Variants in CLNK observed in about 807,000 individuals in gnomAD.
CLNK encodes cytokine-dependent hematopoietic cell linker.
Under a neutral mutation model 68.6 loss-of-function variants are expected in CLNK, and 74 were observed. The ratio of observed to expected loss-of-function variants is 1.08; its 90% confidence interval spans 0.89 to 1.31. The LOEUF is 1.31. Ranked by LOEUF, CLNK falls within the 50% of genes most tolerant of loss-of-function variation. The pLI is 0.00. For synonymous variants in CLNK, 198 were observed against 172.2 expected (o/e 1.15, Z -1.17); for missense variants, 553 against 515.3 (o/e 1.07, Z -0.71).
rs143323924 is a variant in CLNK, at chr4:10,487,289, G to A, written c.*3178C>T. ...GCATATGGAGACCTTGGTTCCAGTC[G>A]CGACTATGTCACTGTGAGATTTTGG... On this transcript the variant is annotated 3_prime_UTR_variant, in exon 19 of 19. Transcript: ENST00000226951. 7 of 152,308 alleles carry A rather than the reference G, an allele frequency of 4.6e-5. No individual in the cohort carries two copies. Among genetic ancestry groups the A allele is most frequent in the East Asian group, 1.9e-4 (1 of 5,190 alleles). 9.4% of individuals were successfully genotyped at this position (152,308 alleles called of 1,614,324 possible). A position where few individuals can be genotyped will look rare whatever the true frequency, so the allele number is the denominator to read the frequency against.
intron 14 of CLNK, among the ~76,000 whole-genome samples, chr4:10,522,110 T>C (rs1718094341): frequency 6.6e-6 from 1 of 151,672 alleles, no homozygotes; most frequent in East Asian, 1.9e-4. Context: ...TATAAAAAAT[T>C]AGCCGGGCAT....
At chr4:10,695,486 C>T in the CLNK span, among the ~76,000 whole-genome samples, 1 of 152,220 alleles carries the variant, frequency 6.6e-6, no homozygotes, top group Non-Finnish European at 1.5e-5. Flanking sequence ...TGGCCAACTC[C>T]AAGCCCTTCC....
At chr4:10,661,999 C>G (rs1406120871) in intron 2 of CLNK, among the ~76,000 whole-genome samples, 1 of 152,140 alleles carries the variant, frequency 6.6e-6, no homozygotes, top group Non-Finnish European at 1.5e-5. Context: ...CATCAAAACT[C>G]TTTCCAAAAC....
At chr4:10,521,855 A>G (rs1329095881) in intron 14 of CLNK, among the ~76,000 whole-genome samples, 1 of 152,234 alleles carries the variant, frequency 6.6e-6, no homozygotes, top group African/African-American at 2.4e-5. Flanking sequence ...CGCTAATAGT[A>G]TAGGATTTTT....
chr4:10,507,082 G>A (rs1222335903), intron 17 of CLNK, among the ~76,000 whole-genome samples: 1 of 151,188 alleles, frequency 6.6e-6, no homozygotes, highest in Non-Finnish European at 1.5e-5. Context: ...TGGGATTACA[G>A]GCATGAGCCA....
the CLNK span, among the ~76,000 whole-genome samples, chr4:10,709,690 G>C: frequency 5.2e-4 from 79 of 152,170 alleles, no homozygotes; most frequent in Non-Finnish European, 9.8e-4. Context: ...CGGAAAGGAT[G>C]CTATGCCAAT....
chr4:10,673,386 G>A (rs764160919), intron 1 of CLNK, among the ~76,000 whole-genome samples: 2 of 152,054 alleles, frequency 1.3e-5, no homozygotes, highest in Non-Finnish European at 2.9e-5. Context: ...TGATTGCCCT[G>A]GACAGAACTT....
chr4:10,688,272 G>A (rs545594626), upstream of CLNK, among the ~76,000 whole-genome samples: 14 of 151,966 alleles, frequency 9.2e-5, no homozygotes, highest in Middle Eastern at 3.4e-3. Flanking sequence ...TGTTCAAATG[G>A]GACATTTCTG....
chr4:10,630,348 A>G (rs1231595158), intron 2 of CLNK, among the ~76,000 whole-genome samples: 1 of 152,202 alleles, frequency 6.6e-6, no homozygotes, highest in African/African-American at 2.4e-5. Flanking sequence ...CACCCTCCTC[A>G]TGGAAAAAAA....
At chr4:10,584,860 G>T in intron 4 of CLNK, 67 bp downstream of exon 4, 1 of 1,510,776 alleles carries the variant, frequency 6.6e-7, no homozygotes, top group Non-Finnish European at 9.2e-7. Context: ...AAAAAGAATG[G>T]AAATAACAGC....
At chr4:10,565,466 CAG>C (rs1720069465) in intron 6 of CLNK, among the ~76,000 whole-genome samples, 1 of 152,238 alleles carries the variant, frequency 6.6e-6, no homozygotes, top group Admixed American at 6.5e-5. Context: ...CAGTTAGAGA[CAG>C]AGGTGGGTGT....
chr4:10,699,486 C>CTATA, the CLNK span, among the ~76,000 whole-genome samples: 1 of 66,188 alleles, frequency 1.5e-5, no homozygotes, highest in Non-Finnish European at 2.8e-5. Context: ...CTCTCTCTCT[C>CTATA]TCTCTCTCTA....
chr4:10,547,576 G>C (rs1348038406), intron 8 of CLNK, among the ~76,000 whole-genome samples: 2 of 152,122 alleles, frequency 1.3e-5, no homozygotes, highest in Non-Finnish European at 2.9e-5. Flanking sequence ...CTATGTGGTA[G>C]AGTGGGTCTC....
At chr4:10,503,861 C>T (rs1181676883) in intron 17 of CLNK, among the ~76,000 whole-genome samples, 4 of 134,022 alleles carry the variant, frequency 3.0e-5, no homozygotes, top group African/African-American at 1.1e-4. Flanking sequence ...CAGCTCACTG[C>T]AACCTCCGCC....
At chr4:10,513,707 C>A in intron 15 of CLNK, 110 bp from the exon 16 acceptor site, 2 of 1,082,958 alleles carry the variant, frequency 1.8e-6, no homozygotes, top group Admixed American at 3.4e-5. Context: ...CTGTGAGGAC[C>A]TTCTTGGTCA....
chr4:10,624,492 C>T (rs1722585587), intron 2 of CLNK, among the ~76,000 whole-genome samples: 1 of 151,922 alleles, frequency 6.6e-6, no homozygotes, highest in Non-Finnish European at 1.5e-5. Flanking sequence ...CGGGGTTTCA[C>T]CGTGTTAGCC....
the CLNK span, among the ~76,000 whole-genome samples, chr4:10,698,363 T>C: frequency 6.6e-6 from 1 of 152,348 alleles, no homozygotes; most frequent in Admixed American, 6.5e-5. Context: ...CTTTGACCCT[T>C]GTACCTGGTG....
At chr4:10,606,805 C>G (rs1560239015) in intron 2 of CLNK, among the ~76,000 whole-genome samples, 1 of 152,160 alleles carries the variant, frequency 6.6e-6, no homozygotes, top group Admixed American at 6.5e-5. Context: ...TACACACACA[C>G]ATAGTTGATT....
At chr4:10,605,119 T>A (rs549337652) in intron 2 of CLNK, among the ~76,000 whole-genome samples, 1 of 152,208 alleles carries the variant, frequency 6.6e-6, no homozygotes, top group Non-Finnish European at 1.5e-5. Context: ...GTTTTAAGAC[T>A]ACAACATCAA....
Sources: gnomAD v4.1 joint callset for allele counts (sites outside exome capture counted in the v4.1 genomes callset) on GRCh38, gnomAD v4.1.1 for gene constraint, MANE v1.5 for transcripts, NCBI Gene and HGNC (gene_info 2026-07-23, HGNC 2026-07-21) for gene names.